ARHGEF37: variants seen among roughly 807,000 people sequenced by gnomAD.
The protein encoded by ARHGEF37 is Rho guanine nucleotide exchange factor 37.
ARHGEF37 carries 55 observed loss-of-function variants against 71.1 expected under a neutral mutation model. The ratio of observed to expected loss-of-function variants is 0.77; its 90% CI spans 0.62 to 0.97. The LOEUF is 0.97. ARHGEF37 is among the 50% of genes least tolerant of loss of function. The pLI is 0.00. For missense variants in ARHGEF37, 765 were observed against 836.8 expected (o/e 0.91, Z 1.06); for synonymous variants, 327 against 350.6 (o/e 0.93, Z 0.75).
intron 2 of ARHGEF37, among the ~76,000 whole-genome samples, chr5:149,600,266 G>A (rs1187691253): frequency 2.6e-5 from 4 of 152,206 alleles, no homozygotes; most frequent in Admixed American, 6.5e-5. Context: ...TATGCAGTGC[G>A]TGACTGTATA....
intron 1 of ARHGEF37, among the ~76,000 whole-genome samples, chr5:149,564,552 C>T (rs1352506609): frequency 3.3e-5 from 5 of 152,146 alleles, no homozygotes; most frequent in Non-Finnish European, 7.3e-5. Flanking sequence ...CGGCCGGGCG[C>T]GGTGGCTCCC....
At chr5:149,630,649 C>T (rs1370445252) in intron 12 of ARHGEF37, among the ~76,000 whole-genome samples, 10 of 152,154 alleles carry the variant, frequency 6.6e-5, no homozygotes, top group Admixed American at 1.3e-4. Context: ...AGCCTCTGCC[C>T]CGGTGCCTCT....
At chr5:149,559,826 TTC>T (rs1483862161) in intron 1 of ARHGEF37, among the ~76,000 whole-genome samples, 1 of 152,204 alleles carries the variant, frequency 6.6e-6, no homozygotes, top group African/African-American at 2.4e-5. Context: ...AATTCCCCTA[TTC>T]TCTCTCTCCC....
At chr5:149,587,226 G>A (rs1763265184) in intron 1 of ARHGEF37, among the ~76,000 whole-genome samples, 1 of 152,208 alleles carries the variant, frequency 6.6e-6, no homozygotes, top group South Asian at 2.1e-4. Context: ...CTTATTCTCA[G>A]TAAGGCTCTG....
At chr5:149,565,716 G>T (rs1001621655) in intron 1 of ARHGEF37, among the ~76,000 whole-genome samples, 5 of 151,920 alleles carry the variant, frequency 3.3e-5, no homozygotes, top group African/African-American at 1.2e-4. Flanking sequence ...GAGGTTTACA[G>T]CCTAGATCTA....
rs139755881 is a variant in ARHGEF37 at position 149,609,205 on chromosome 5, A to AAAACAAAT, written c.311-337_311-336insATAAACAA. 0.018 allele frequency among the ~76,000 whole-genome samples: 2,754 copies of AAAACAAAT among 152,222 alleles called. 241 individuals are homozygous for AAAACAAAT. In the East Asian group the frequency reaches 0.28, roughly 15 times the overall value. ...ATCTCAAAAGAAACAAAAAAACAAA[A>AAAACAAAT]AAACAAGCTAATGGTTGAGTGTATT... On this transcript the variant is annotated intron_variant, in intron 3 of 12. Transcript: ENST00000333677.
intron 1 of ARHGEF37, among the ~76,000 whole-genome samples, chr5:149,590,314 C>G (rs1763365660): frequency 6.8e-6 from 1 of 147,466 alleles, no homozygotes; most frequent in African/African-American, 2.5e-5. Flanking sequence ...TGGAGTCTCA[C>G]TCTGTTGCCC....
intron 1 of ARHGEF37, among the ~76,000 whole-genome samples, chr5:149,559,296 G>C (rs187481563): frequency 4.6e-5 from 7 of 152,168 alleles, no homozygotes; most frequent in African/African-American, 1.7e-4. Context: ...ACTCCAGCCT[G>C]GGCGACAGAA....
chr5:149,567,045 T>C (rs531079024), intron 1 of ARHGEF37, among the ~76,000 whole-genome samples: 5 of 152,330 alleles, frequency 3.3e-5, no homozygotes, highest in Non-Finnish European at 7.3e-5. Flanking sequence ...TCAATAATGA[T>C]TTATATTTTT....
At chr5:149,586,052 C>T (rs184726962) in intron 1 of ARHGEF37, among the ~76,000 whole-genome samples, 15 of 152,286 alleles carry the variant, frequency 9.8e-5, no homozygotes, top group African/African-American at 3.6e-4. Flanking sequence ...AGAGTAAACA[C>T]TAGGTAATGC....
chr5:149,626,948 G>A (rs1215087432), intron 10 of ARHGEF37, 128 bp from the exon 11 acceptor site: 5 of 942,510 alleles, frequency 5.3e-6, no homozygotes, highest in Non-Finnish European at 6.3e-6. Flanking sequence ...TGATCAGGGT[G>A]GGCCCTTCAG....
rs59484704 is a variant in ARHGEF37, at chr5:149,585,516, A to ATTAT, written c.-12+3908_-12+3911dup. Among the ~76,000 whole-genome samples the ATTAT allele has an allele frequency of 0.016, 2,384 of 152,124 alleles. 226 individuals are homozygous for ATTAT. The East Asian group carries it at 0.29, about 19-fold the overall frequency. On this transcript the variant is annotated intron_variant, in intron 1 of 12. Coordinates refer to ENST00000333677, the MANE Select transcript of ARHGEF37 (RefSeq NM_001001669.3). Reference sequence around the variant, plus strand: ...AAAAACACTACATAGTGCATACTGTATTATTTATTTATTTATTTAGAGACG... The same window carrying ATTAT: ...AAAAACACTACATAGTGCATACTGTATTATTTATTTATTTATTTATTTAGAGACG...
Position 149,632,540 on chromosome 5 carries a change from G to A in ARHGEF37, c.*349G>A, listed in dbSNP as rs138818164. 375 of 280,740 alleles carry A rather than the reference G, an allele frequency of 1.3e-3. 2 individuals are homozygous for A. The highest frequency in any genetic ancestry group is 6.5e-3 in the African/African-American group (308 of 47,456). 17.4% of individuals were successfully genotyped at this position (280,740 alleles called of 1,614,324 possible). ...CCTGCATCCGGGCCTGCCTGTGGGC[G>A]TGGGTCACACGGGATAATGTTACCT... On this transcript the variant is annotated 3_prime_UTR_variant, in exon 13 of 13. Transcript: ENST00000333677.
rs569069889 is a variant in ARHGEF37 at position 149,568,527 on chromosome 5, CT to C, written c.-12+16405del. On this transcript the variant is annotated intron_variant, in intron 1 of 2. Coordinates refer to the ARHGEF37 transcript ENST00000505810. The stretch of plus-strand genomic sequence containing the variant: ...GCATGTACCCTTGTATCCCACACCC[CT>C]ATCAAGATACAATACATTGGCCGCG... Among the ~76,000 whole-genome samples, 315 of 152,246 alleles carry C rather than the reference CT, an allele frequency of 2.1e-3. 2 individuals are homozygous for C. The highest frequency in any genetic ancestry group is 7.1e-3 in the African/African-American group (297 of 41,546).
At chr5:149,594,434 C>T (rs1436479542) in intron 1 of ARHGEF37, among the ~76,000 whole-genome samples, 1 of 152,212 alleles carries the variant, frequency 6.6e-6, no homozygotes, top group African/African-American at 2.4e-5. Context: ...ATGCATCAGA[C>T]AGATTTGTTT....
At chr5:149,568,213 G>C (rs565241432) in intron 1 of ARHGEF37, among the ~76,000 whole-genome samples, 2 of 152,128 alleles carry the variant, frequency 1.3e-5, no homozygotes, top group South Asian at 4.2e-4. Context: ...ATTTTGTAGA[G>C]ACAGGGTTTC....
Position 149,609,673 on chromosome 5 carries a change from C to T in ARHGEF37, c.436C>T (p.Gln146Ter). Residue 146 changes from glutamine (Q) to a stop codon, truncating the protein, a stop_gained, in exon 4 of 13, where the codon CAG (glutamine) becomes TAG (stop). Transcript: ENST00000333677. LOFTEE classifies it high-confidence loss of function. ...RKEPELQRHI[Q>*]GIVEAVVPQA... is the part of the protein sequence containing the mutation. ...GGAGCCGGAGCTGCAGCGGCACATC[C>T]AGGGCATCGTTGAGGCGGTGGTGTG... 6.2e-7 allele frequency: 1 copy of T among 1,612,490 alleles called. No individual in the cohort carries two copies. The highest frequency in any genetic ancestry group is 8.5e-7 in the Non-Finnish European group (1 of 1,180,036).
intron 1 of ARHGEF37, among the ~76,000 whole-genome samples, chr5:149,568,179 C>T (rs73267830): frequency 0.054 from 8,171 of 152,076 alleles, 514 homozygotes; most frequent in East Asian, 0.18. Context: ...CACCACCACG[C>T]CTGGCTAATT....
intron 3 of ARHGEF37, among the ~76,000 whole-genome samples, chr5:149,608,214 T>A (rs902765117): frequency 6.6e-6 from 1 of 152,194 alleles, no homozygotes; most frequent in East Asian, 1.9e-4. Flanking sequence ...TCTGGATGTA[T>A]ACGTGCAGGT....
Sources: allele counts gnomAD v4.1 joint callset (sites outside exome capture counted in the v4.1 genomes callset), GRCh38; gene constraint gnomAD v4.1.1; transcripts MANE v1.5; gene names NCBI Gene and HGNC (gene_info 2026-07-23, HGNC 2026-07-21).